GULP1: variants seen among roughly 807,000 people sequenced by gnomAD.
GULP1 encodes GULP PTB domain containing engulfment adaptor 1.
In GULP1, 19 loss-of-function variants were observed where a neutral mutation model predicts 40.9. That is an observed-to-expected ratio of 0.46 (90% CI 0.32 to 0.68). The LOEUF is 0.68. Ranked by LOEUF, GULP1 falls within the 30% of genes least tolerant of loss-of-function variation. The pLI is 0.03. For synonymous variants in GULP1, 119 were observed against 117.6 expected (o/e 1.01, Z -0.08); for missense variants, 312 against 362.2 (o/e 0.86, Z 1.12).
rs1403629993 is a variant in GULP1, at chr2:188,483,092, A to G, written c.29-339A>G. Among the ~76,000 whole-genome samples the G allele has an allele frequency of 1.1e-4, 16 of 152,206 alleles. No individual in the cohort carries two copies. In the East Asian group the frequency reaches 2.9e-3, roughly 28 times the overall value. On this transcript the variant is annotated intron_variant, in intron 3 of 11. Transcript: ENST00000409830. Reference sequence around the variant, plus strand: ...AAAATAACCTATAATTCATGAGAGCATAAAGTGAAAGAAGAAAGATACTTG... The same window carrying G: ...AAAATAACCTATAATTCATGAGAGCGTAAAGTGAAAGAAGAAAGATACTTG...
At chr2:188,498,269 A>G (rs1431879414) in intron 4 of GULP1, among the ~76,000 whole-genome samples, 1 of 151,852 alleles carries the variant, frequency 6.6e-6, no homozygotes, top group Non-Finnish European at 1.5e-5. Context: ...AATTAACACA[A>G]CACTACTTCA....
chr2:188,576,273 TA>T (rs1446238400), intron 9 of GULP1, among the ~76,000 whole-genome samples: 1 of 152,160 alleles, frequency 6.6e-6, no homozygotes, highest in South Asian at 2.1e-4. Flanking sequence ...TGTCCTTTTT[TA>T]TTGTCATTGT....
chr2:188,549,576 G>C (rs1692919442), intron 7 of GULP1, among the ~76,000 whole-genome samples: 1 of 151,848 alleles, frequency 6.6e-6, no homozygotes, highest in African/African-American at 2.4e-5. Context: ...AGGAAAAACA[G>C]TTTGGCAGTT....
intron 9 of GULP1, among the ~76,000 whole-genome samples, chr2:188,573,409 C>A (rs1354490895): frequency 1.3e-5 from 2 of 152,134 alleles, no homozygotes; most frequent in Non-Finnish European, 2.9e-5. Context: ...ACAGACAATG[C>A]AAATTGCAAA....
chr2:188,407,826 C>A (rs2053328156), intron 2 of GULP1, among the ~76,000 whole-genome samples: 1 of 152,028 alleles, frequency 6.6e-6, no homozygotes, highest in African/African-American at 2.4e-5. Flanking sequence ...GGATTAAATT[C>A]TCCCATCAAA....
intron 1 of GULP1, among the ~76,000 whole-genome samples, chr2:188,302,797 A>G (rs1023373845): frequency 7.2e-5 from 11 of 152,246 alleles, no homozygotes; most frequent in Admixed American, 2.6e-4. Context: ...TGACCACTCT[A>G]TATCTAATGA....
At chr2:188,293,614 T>A (rs1019159431) in intron 1 of GULP1, among the ~76,000 whole-genome samples, 12 of 151,794 alleles carry the variant, frequency 7.9e-5, no homozygotes, top group Non-Finnish European at 1.6e-4. Context: ...TTTCCCCCCA[T>A]ATGAACAAGT....
chr2:188,399,074 C>G (rs2051712323), intron 2 of GULP1, among the ~76,000 whole-genome samples: 1 of 152,212 alleles, frequency 6.6e-6, no homozygotes, highest in South Asian at 2.1e-4. Flanking sequence ...GTGCTATGTA[C>G]TAATCACATC....
chr2:188,468,794 C>T (rs767594836), intron 2 of GULP1, among the ~76,000 whole-genome samples: 1 of 151,884 alleles, frequency 6.6e-6, no homozygotes, highest in African/African-American at 2.4e-5. Context: ...GACTTAGGTA[C>T]GAGAGACTTT....
intron 2 of GULP1, among the ~76,000 whole-genome samples, chr2:188,419,620 A>G (rs1486011886): frequency 1.3e-5 from 2 of 151,592 alleles, no homozygotes; most frequent in Non-Finnish European, 2.9e-5. Context: ...CTCATAATAT[A>G]TGTGTCTTGC....
intron 1 of GULP1, among the ~76,000 whole-genome samples, chr2:188,369,434 A>T (rs2047307939): frequency 6.6e-6 from 1 of 151,980 alleles, no homozygotes; most frequent in African/African-American, 2.4e-5. Flanking sequence ...AAGTTTAGAG[A>T]TGAACAAGAC....
At chr2:188,438,502 TTATTC>T (rs1395673246) in intron 2 of GULP1, among the ~76,000 whole-genome samples, 1 of 151,046 alleles carries the variant, frequency 6.6e-6, no homozygotes, top group Non-Finnish European at 1.5e-5. Context: ...ATTAATATAA[TTATTC>T]TATTAATAGT....
intron 7 of GULP1, among the ~76,000 whole-genome samples, chr2:188,546,696 G>A (rs921860711): frequency 6.6e-6 from 1 of 151,702 alleles, no homozygotes; most frequent in African/African-American, 2.4e-5. Context: ...GTAAGCAGAC[G>A]GAAGATAAGA....
Position 188,499,135 on chromosome 2 carries a change from GTATATATA to G in GULP1, c.90+15671_90+15678del, listed in dbSNP as rs893185238. 4.7e-3 allele frequency among the ~76,000 whole-genome samples: 266 copies of G among 56,358 alleles called. 1 individual carries two copies. The highest frequency in any genetic ancestry group is 9.7e-3 in the African/African-American group (145 of 14,910). The allele number at this position is 56,358 out of a possible 152,430, so 37.0% of individuals were successfully genotyped here. A position where few individuals can be genotyped will look rare whatever the true frequency, so the allele number is the denominator to read the frequency against. ...TATACAAATGCACATATATGTGTGTGTATATATATATATATATATATATATATATATAT... is the reference window on the plus strand; with the variant it reads ...TATACAAATGCACATATATGTGTGTGTATATATATATATATATATATATAT... On this transcript the variant is annotated intron_variant, in intron 4 of 11. Coordinates refer to ENST00000409830, the MANE Select transcript of GULP1 (RefSeq NM_016315.4).
chr2:188,384,204 T>C (rs2049365769), intron 2 of GULP1: 1 of 152,142 alleles, frequency 6.6e-6, no homozygotes, highest in African/African-American at 2.4e-5. Flanking sequence ...ACTGGGAAAT[T>C]TACAAGAGAA....
chr2:188,394,430 C>G (rs1463846345), intron 2 of GULP1, among the ~76,000 whole-genome samples: 2 of 151,812 alleles, frequency 1.3e-5, no homozygotes, highest in Non-Finnish European at 2.9e-5. Context: ...TCATTCATAT[C>G]CTGAATTTAA....
chr2:188,474,199 A>T (rs1005203228), intron 2 of GULP1, among the ~76,000 whole-genome samples: 1 of 152,120 alleles, frequency 6.6e-6, no homozygotes, highest in Non-Finnish European at 1.5e-5. Context: ...CTCTCCTTGA[A>T]TGGAAAGAAG....
rs966153750 is a variant in GULP1 at position 188,532,811 on chromosome 2, C to G, written c.261+3616C>G. Among the ~76,000 whole-genome samples, 3 of 150,448 alleles carry G rather than the reference C, an allele frequency of 2.0e-5. 1 individual carries two copies. The highest frequency in any genetic ancestry group is 2.0e-4 in the East Asian group (1 of 5,126). On this transcript the variant is annotated intron_variant, in intron 6 of 11. Coordinates refer to ENST00000409830, the MANE Select transcript of GULP1 (RefSeq NM_016315.4). ...TGGTGGGTGCCTGTAATCCCAGCCA[C>G]TCAGGAGGCTGAGGCAGGAGAATCG...
chr2:188,487,591 G>A (rs539933006), intron 4 of GULP1, among the ~76,000 whole-genome samples: 75 of 150,846 alleles, frequency 5.0e-4, no homozygotes, highest in African/African-American at 1.5e-3. Flanking sequence ...ACATCATGTC[G>A]TTATCTTCTA....
Sources: gnomAD v4.1 joint callset for allele counts (sites outside exome capture counted in the v4.1 genomes callset) on GRCh38, gnomAD v4.1.1 for gene constraint, MANE v1.5 for transcripts, NCBI Gene and HGNC (gene_info 2026-07-23, HGNC 2026-07-21) for gene names.